SPIN1: variants seen among roughly 807,000 people sequenced by gnomAD.
SPIN1 encodes the protein spindlin 1, also known as spindlin-1.
A neutral mutation model predicts 26.0 loss-of-function variants in SPIN1; 3 were observed. That is an observed-to-expected ratio of 0.12 (90% CI 0.05 to 0.30). The LOEUF (loss-of-function observed/expected upper bound fraction) is 0.30, where lower values mean the gene tolerates loss of function less well. SPIN1 is among the 10% of genes least tolerant of loss of function. SPIN1 has a pLI of 1.00. For missense variants in SPIN1, 126 were observed against 333.4 expected (o/e 0.38, Z 4.84); for synonymous variants, 101 against 116.5 (o/e 0.87, Z 0.86).
At chr9:88,460,153 C>G (rs981499309) in intron 3 of SPIN1, among the ~76,000 whole-genome samples, 3 of 152,164 alleles carry the variant, frequency 2.0e-5, no homozygotes, top group African/African-American at 7.2e-5. Flanking sequence ...TTAGTACTCT[C>G]TTCTGTGAAC....
At chr9:88,411,914 C>G (rs1827454891) in intron 1 of SPIN1, among the ~76,000 whole-genome samples, 1 of 151,770 alleles carries the variant, frequency 6.6e-6, no homozygotes, top group Non-Finnish European at 1.5e-5. Context: ...TGGCTCATGC[C>G]TGTAATCAGC....
At chr9:88,448,392 C>T (rs1001834831) in intron 2 of SPIN1, among the ~76,000 whole-genome samples, 1 of 152,056 alleles carries the variant, frequency 6.6e-6, no homozygotes, top group East Asian at 1.9e-4. Context: ...TGCTCTGTCA[C>T]CCAGACTGGA....
intron 5 of SPIN1, among the ~76,000 whole-genome samples, chr9:88,474,596 G>A (rs10868785): frequency 0.24 from 36,113 of 152,118 alleles, 6,739 homozygotes; most frequent in African/African-American, 0.52. Flanking sequence ...CATTTTAAAT[G>A]TGTGCCATAT....
chr9:88,422,961 G>A (rs945222789), intron 1 of SPIN1, among the ~76,000 whole-genome samples: 1 of 151,950 alleles, frequency 6.6e-6, no homozygotes, highest in Admixed American at 6.6e-5. Flanking sequence ...CGTCCACCTC[G>A]GCCTCCCAAA....
rs536624048 is a variant in SPIN1, at chr9:88,403,718, C to CG, written c.-159+15185dup. On this transcript the variant is annotated intron_variant, in intron 1 of 5. Coordinates refer to ENST00000375859, the MANE Select transcript of SPIN1 (RefSeq NM_006717.3). ...ACAGAGTAAGATCCTGTCTTCAAAGCGGGGGAAAAAAAAGAAAACCACTAT... is the reference window on the plus strand; with the variant it reads ...ACAGAGTAAGATCCTGTCTTCAAAGCGGGGGGAAAAAAAAGAAAACCACTAT... Among the ~76,000 whole-genome samples, 175 of 151,448 alleles carry CG rather than the reference C, an allele frequency of 1.2e-3. 1 individual carries two copies. The highest frequency in any genetic ancestry group is 5.0e-3 in the Admixed American group (76 of 15,222).
At chr9:88,429,985 T>G (rs1827835421) in intron 2 of SPIN1, among the ~76,000 whole-genome samples, 1 of 152,188 alleles carries the variant, frequency 6.6e-6, no homozygotes, top group South Asian at 2.1e-4. Flanking sequence ...ATAGCCTATT[T>G]TGGAAAGATT....
chr9:88,437,549 A>G (rs943908380), intron 2 of SPIN1, among the ~76,000 whole-genome samples: 10 of 152,014 alleles, frequency 6.6e-5, no homozygotes, highest in African/African-American at 2.4e-4. Context: ...AAGCTGCTAT[A>G]TATATCTGTG....
At chr9:88,454,680 GA>G (rs1157022476) in intron 3 of SPIN1, among the ~76,000 whole-genome samples, 1 of 152,106 alleles carries the variant, frequency 6.6e-6, no homozygotes, top group Non-Finnish European at 1.5e-5. Context: ...TCAAACATCA[GA>G]TATTCTTAGT....
chr9:88,463,234 ATGTT>A (rs1486244163), intron 4 of SPIN1, among the ~76,000 whole-genome samples: 1 of 152,188 alleles, frequency 6.6e-6, no homozygotes, highest in Non-Finnish European at 1.5e-5. Flanking sequence ...TGATTGAACA[ATGTT>A]TGTGGAAATG....
At chr9:88,437,195 G>C (rs1828019997) in intron 2 of SPIN1, among the ~76,000 whole-genome samples, 1 of 151,576 alleles carries the variant, frequency 6.6e-6, no homozygotes, top group South Asian at 2.1e-4. Flanking sequence ...AATTTTGGCA[G>C]TTTTGAATAA....
intron 3 of SPIN1, among the ~76,000 whole-genome samples, chr9:88,450,349 T>C (rs1828331760): frequency 6.6e-6 from 1 of 152,202 alleles, no homozygotes; most frequent in Non-Finnish European, 1.5e-5. Flanking sequence ...TCAAAATAGA[T>C]TTTGCAAGTT....
intron 2 of SPIN1, among the ~76,000 whole-genome samples, chr9:88,446,862 A>G (rs1392092544): frequency 2.0e-5 from 3 of 152,126 alleles, no homozygotes; most frequent in Non-Finnish European, 2.9e-5. Context: ...ATTTGTATCA[A>G]TGGTTTTTAG....
intron 1 of SPIN1, among the ~76,000 whole-genome samples, chr9:88,422,771 A>G (rs2118008805): frequency 6.6e-6 from 1 of 150,908 alleles, no homozygotes; most frequent in South Asian, 2.1e-4. Flanking sequence ...GTGCAGTGGC[A>G]CTATCTCAGC....
At chr9:88,443,119 C>CAAA (rs769488109) in intron 2 of SPIN1, among the ~76,000 whole-genome samples, 75 of 81,348 alleles carry the variant, frequency 9.2e-4, no homozygotes, top group African/African-American at 2.3e-3. Flanking sequence ...GACTCCATCT[C>CAAA]AAAAAAAAAA....
At chr9:88,415,888 C>T (rs868304523) in intron 1 of SPIN1, among the ~76,000 whole-genome samples, 16 of 151,384 alleles carry the variant, frequency 1.1e-4, no homozygotes, top group Middle Eastern at 3.4e-3. Flanking sequence ...GGACTACAGG[C>T]GCCAGCCACC....
chr9:88,438,027 T>G (rs1242939934), intron 2 of SPIN1, among the ~76,000 whole-genome samples: 1 of 151,986 alleles, frequency 6.6e-6, no homozygotes, highest in Non-Finnish European at 1.5e-5. Flanking sequence ...GATGCGCGCC[T>G]GTAATCCCAG....
chr9:88,457,816 A>G (rs1319629468), intron 3 of SPIN1: 1 of 980,292 alleles, frequency 1.0e-6, no homozygotes, highest in Non-Finnish European at 1.2e-6. Flanking sequence ...CAGAATATAC[A>G]TGAGAAAAAA....
chr9:88,468,702 T>A, intron 5 of SPIN1, 97 bp downstream of exon 5: 1 of 721,478 alleles, frequency 1.4e-6, no homozygotes, highest in Non-Finnish European at 2.0e-6. Context: ...TACATTTTTA[T>A]TTTTGGATAT....
intron 4 of SPIN1, among the ~76,000 whole-genome samples, chr9:88,463,529 T>C (rs1425560324): frequency 2.0e-5 from 3 of 152,348 alleles, no homozygotes. Context: ...GGTAGGAATT[T>C]TGGGATCAAA....
Sources: gnomAD v4.1 joint callset for allele counts (sites outside exome capture counted in the v4.1 genomes callset) on GRCh38, gnomAD v4.1.1 for gene constraint, MANE v1.5 for transcripts, NCBI Gene and HGNC (gene_info 2026-07-23, HGNC 2026-07-21) for gene names.